FGL1: variants seen among roughly 807,000 people sequenced by gnomAD.
The protein encoded by FGL1 is fibrinogen like 1.
Under a neutral mutation model 43.7 loss-of-function variants are expected in FGL1, and 59 were observed. The ratio of observed to expected loss-of-function variants is 1.35; its 90% CI spans 1.10 to 1.68. The LOEUF (loss-of-function observed/expected upper bound fraction) is 1.68, where lower values mean the gene tolerates loss of function less well. FGL1 is among the 40% of genes most tolerant of loss of function. The probability of loss-of-function intolerance (pLI) is 0.00; values close to 1 mark genes in which losing one functional copy is unlikely to be tolerated. For missense variants in FGL1, 596 were observed against 373.0 expected (o/e 1.60, Z -4.92); for synonymous variants, 192 against 126.5 (o/e 1.52, Z -3.48).
intron 3 of FGL1, among the ~76,000 whole-genome samples, chr8:17,881,262 A>G (rs985545461): frequency 2.3e-4 from 35 of 151,370 alleles, no homozygotes; most frequent in African/African-American, 8.0e-4. Context: ...TCAGCCTCCC[A>G]GGTAGCTGGG....
chr8:17,885,943 C>T (rs2053621854), intron 1 of FGL1, among the ~76,000 whole-genome samples: 1 of 152,208 alleles, frequency 6.6e-6, no homozygotes, highest in Non-Finnish European at 1.5e-5. Flanking sequence ...GAGCTTGTGT[C>T]TTTTTCTCCC....
chr8:17,874,038 A>G lies in FGL1; in HGVS notation c.483T>C (p.Leu161=). ...CCTTACCTTGAGTGGTCAAGAAGTG[A>G]AGATTTTTATTGCCCAGCCAATATT... ...HGEYWLGNKN[L]HFLTTQEDYT... The change falls in exon 5 of 8, where the codon CTT becomes CTC. Residue 161 remains leucine, a synonymous_variant. Coordinates refer to ENST00000427924, the MANE Select transcript of FGL1 (RefSeq NM_004467.4). 1 of 1,610,366 alleles carries G rather than the reference A, an allele frequency of 6.2e-7. No individual in the cohort carries two copies. The highest frequency in any genetic ancestry group is 1.1e-5 in the South Asian group (1 of 89,964).
intron 1 of FGL1, among the ~76,000 whole-genome samples, chr8:17,890,413 C>A (rs931783076): frequency 6.6e-6 from 1 of 152,134 alleles, no homozygotes; most frequent in Non-Finnish European, 1.5e-5. Flanking sequence ...CTACATTGGC[C>A]TCTTTGGCAT....
At chr8:17,880,393 C>T (rs2053517468) in intron 3 of FGL1, among the ~76,000 whole-genome samples, 1 of 152,248 alleles carries the variant, frequency 6.6e-6, no homozygotes, top group Non-Finnish European at 1.5e-5. Context: ...CTCCTATATC[C>T]TACACTTGTA....
At chr8:17,864,781 A>C in intron 7 of FGL1, 30 bp from the exon 8 acceptor site, 1 of 1,426,926 alleles carries the variant, frequency 7.0e-7, no homozygotes, top group Non-Finnish European at 9.2e-7. Context: ...AAAAGAAAAC[A>C]ACAATCAGAC....
Position 17,885,505 on chromosome 8 carries a change from C to A in FGL1, c.50G>T (p.Gly17Val). The change falls in exon 2 of 8, where the codon GGC becomes GTC. Residue 17 changes from glycine to valine, a missense_variant. By Grantham distance (109) the Gly-to-Val change is moderately radical. Coordinates refer to ENST00000427924, the MANE Select transcript of FGL1 (RefSeq NM_004467.4). ...FILVTTALTM[G>V]REISALEDCA... ...CAAGAAGCTTACCGAAATTTCCCTG[C>A]CCATTGTCAGAGCGGTGGTAACAAG... 1 of 1,612,694 alleles carries A rather than the reference C, an allele frequency of 6.2e-7. No individual in the cohort carries two copies.
chr8:17,882,759 T>C (rs2053557658), intron 2 of FGL1: 1 of 118,180 alleles, frequency 8.5e-6, no homozygotes, highest in Non-Finnish European at 1.6e-5. Flanking sequence ...ATATATAATA[T>C]ATAATATATT....
chr8:17,871,269 G>C (rs970581338), intron 5 of FGL1, among the ~76,000 whole-genome samples: 1 of 152,126 alleles, frequency 6.6e-6, no homozygotes. Flanking sequence ...AAGGCACGCA[G>C]ATGACTTGAA....
chr8:17,883,307 AAATAACATAT>A (rs2053577152), intron 2 of FGL1, among the ~76,000 whole-genome samples: 1 of 38,742 alleles, frequency 2.6e-5, no homozygotes, highest in Non-Finnish European at 4.9e-5. Flanking sequence ...ATAATATATT[AAATAACATAT>A]AATAATATAT....
chr8:17,894,198 G>A lies in FGL1; in HGVS notation c.-18+1249C>T, dbSNP rs185326532. Among the ~76,000 whole-genome samples the A allele has an allele frequency of 2.5e-4, 37 of 146,700 alleles. 1 individual carries two copies. In the East Asian group the frequency reaches 6.4e-3, roughly 25 times the overall value. ...AGTAGCATGCAAACATTTCAAAACTGGTATGTTTTAAGCAAGCATTGTAAA... is the reference window on the plus strand; with the variant it reads ...AGTAGCATGCAAACATTTCAAAACTAGTATGTTTTAAGCAAGCATTGTAAA... On this transcript the variant is annotated intron_variant, in intron 1 of 7. Transcript: ENST00000427924.
Position 17,885,579 on chromosome 8 carries a change from A to G in FGL1, c.-17-8T>C, listed in dbSNP as rs1340969414. On this transcript the variant is annotated splice_region_variant and splice_polypyrimidine_tract_variant and intron_variant, in intron 1 of 7. Transcript: ENST00000427924. Reference sequence around the variant, plus strand: ...TGTTCCCCCTTGAAAAAACTGCAAGAACAAAAAGAATTTTATAAATGTATC... The same window carrying G: ...TGTTCCCCCTTGAAAAAACTGCAAGGACAAAAAGAATTTTATAAATGTATC... 15 of 1,611,654 alleles carry G rather than the reference A, an allele frequency of 9.3e-6. No individual in the cohort carries two copies. Among genetic ancestry groups the G allele is most frequent in the East Asian group, 8.9e-5 (4 of 44,826 alleles).
intron 3 of FGL1, among the ~76,000 whole-genome samples, chr8:17,876,864 G>A (rs1210625872): frequency 1.3e-5 from 2 of 152,088 alleles, no homozygotes; most frequent in Non-Finnish European, 2.9e-5. Flanking sequence ...TGCTAACTGC[G>A]AGTTTGTTAT....
intron 1 of FGL1, 149 bp downstream of exon 1, chr8:17,895,298 C>T: frequency 9.3e-7 from 1 of 1,070,796 alleles, no homozygotes; most frequent in South Asian, 2.4e-5. Context: ...ATCTCTTCTC[C>T]AAGTAGCAGA....
intron 2 of FGL1, among the ~76,000 whole-genome samples, chr8:17,884,329 C>T (rs952481287): frequency 1.3e-5 from 2 of 151,974 alleles, no homozygotes; most frequent in Non-Finnish European, 2.9e-5. Flanking sequence ...GTAGCTGGGA[C>T]TATACAGGTT....
chr8:17,890,742 G>A (rs546005492), intron 1 of FGL1, among the ~76,000 whole-genome samples: 18 of 152,258 alleles, frequency 1.2e-4, no homozygotes, highest in South Asian at 2.1e-4. Flanking sequence ...ACTTACAGTC[G>A]TGGTGGAAGG....
intron 1 of FGL1, among the ~76,000 whole-genome samples, chr8:17,894,433 C>T (rs1185353159): frequency 1.4e-5 from 2 of 147,014 alleles, no homozygotes; most frequent in Non-Finnish European, 3.0e-5. Context: ...TGGAATATAA[C>T]TGTGCTTTTG....
At chr8:17,884,211 C>T (rs1330999673) in intron 2 of FGL1, among the ~76,000 whole-genome samples, 1 of 151,110 alleles carries the variant, frequency 6.6e-6, no homozygotes, top group African/African-American at 2.4e-5. Context: ...CTCTTTCTTT[C>T]AACAGAGTCT....
chr8:17,882,762 A>G (rs1361130845), intron 2 of FGL1: 2 of 133,242 alleles, frequency 1.5e-5, no homozygotes, highest in Non-Finnish European at 3.1e-5. Context: ...TATAATATAT[A>G]ATATATTAAA....
intron 1 of FGL1, among the ~76,000 whole-genome samples, chr8:17,887,615 C>T (rs887856169): frequency 6.6e-6 from 1 of 152,024 alleles, no homozygotes; most frequent in Non-Finnish European, 1.5e-5. Context: ...TTCGAGAGGC[C>T]GAGGCGGGCG....
Sources: gnomAD v4.1 joint callset for allele counts (sites outside exome capture counted in the v4.1 genomes callset) on GRCh38, gnomAD v4.1.1 for gene constraint, MANE v1.5 for transcripts, NCBI Gene and HGNC (gene_info 2026-07-23, HGNC 2026-07-21) for gene names.